Variants in ATP6AP1 observed in about 807,000 individuals in gnomAD.
The protein encoded by ATP6AP1 is ATPase H+ transporting accessory protein 1.
ATP6AP1 carries 1 observed loss-of-function variant against 32.0 expected under a neutral mutation model. That is an observed-to-expected ratio of 0.03 (90% CI 0.01 to 0.15). The LOEUF (loss-of-function observed/expected upper bound fraction) is 0.15. Among genes scored for constraint, ATP6AP1 ranks in the 10% least tolerant of loss-of-function variants. The probability of loss-of-function intolerance (pLI) is 1.00; values close to 1 mark genes in which losing one functional copy is unlikely to be tolerated. For synonymous variants in ATP6AP1, 187 were observed against 174.9 expected (o/e 1.07, Z -0.55); for missense variants, 297 against 398.8 (o/e 0.74, Z 2.17).
In ATP6AP1 at chrX:154,429,012, C is replaced by T. The variant is rs368420046; in HGVS notation, c.162-36C>T. 24 of 1,200,962 alleles carry T rather than the reference C, an allele frequency of 2.0e-5. No individual in the cohort carries two copies. In the African/African-American group the frequency reaches 2.3e-4, roughly 11 times the overall value. On this transcript the variant is annotated intron_variant, in intron 1 of 9. Transcript: ENST00000369762. ...GCGACAGAGCTCCAGTCCACATGCG[C>T]CCCCGTCTGACAGCACCTCTTCTGT...
At chrX:154,430,977 T>C (rs1321329376) in intron 2 of ATP6AP1, 1 of 111,011 alleles carries the variant, frequency 9.0e-6, no homozygotes, top group African/African-American at 3.3e-5. Flanking sequence ...GGAAGGTCAG[T>C]TGCAGTTCGA....
In ATP6AP1 at chrX:154,431,842, G is replaced by A. The variant is rs1237549752; in HGVS notation, c.301G>A (p.Asp101Asn). The change falls in exon 3 of 10, where the codon GAT (aspartate) becomes AAT (asparagine). Residue 101 changes from aspartate (D) to asparagine (N), a missense_variant. Asp to Asn is a conservative substitution (Grantham distance 23). Transcript: ENST00000369762. Reference sequence around the variant, plus strand: ...ATTTCCCTAATAGCTGAGCATTGAGGATTTCACAGCATATGGCGGTGTGTT... The same window carrying A: ...ATTTCCCTAATAGCTGAGCATTGAGAATTTCACAGCATATGGCGGTGTGTT... ...LFLQDKLSIE[D>N]FTAYGGVFGN... 8.3e-7 allele frequency: 1 copy of A among 1,211,685 alleles called. No individual in the cohort carries two copies. The highest frequency in any genetic ancestry group is 1.1e-6 in the Non-Finnish European group (1 of 895,437).
At chrX:154,435,616 C>T in intron 9 of ATP6AP1, 66 bp from the exon 10 acceptor site, 1 of 1,177,697 alleles carries the variant, frequency 8.5e-7, no homozygotes, top group Non-Finnish European at 1.2e-6. Context: ...CCCTGCGCTG[C>T]CCCTGTCCCA....
Position 154,432,354 on chromosome X carries a change from A to C in ATP6AP1, c.452A>C (p.Lys151Thr). 1 of 1,211,933 alleles carries C rather than the reference A, an allele frequency of 8.3e-7. No individual in the cohort carries two copies. ...VSTLTTYLQEKLGASPLHVDL... is the reference protein window; with the variant it reads ...VSTLTTYLQETLGASPLHVDL... The stretch of plus-strand genomic sequence containing the variant: ...ACTCTGACCACTTACCTGCAGGAGA[A>C]GCTCGGGGCCAGCCCCTTGCATGTG... Residue 151 changes from lysine (K) to threonine (T), a missense_variant, in exon 4 of 10, where the codon AAG (lysine) becomes ACG (threonine). Around this residue, in one of 2 missense-constraint regions of ATP6AP1, gnomAD observed 142 missense variants for 145.0 expected, o/e 0.98. Coordinates refer to ENST00000369762, the MANE Select transcript of ATP6AP1 (RefSeq NM_001183.6).
rs1277942298 is a variant in ATP6AP1, at chrX:154,436,262, CCT to C, written c.*372_*373del. Reference sequence around the variant, plus strand: ...CTCCCTCCTTAAGGTTATAGGGCTCCCTGAGTTTGGGAGTGTGGAAGTACTAC... The same window carrying C: ...CTCCCTCCTTAAGGTTATAGGGCTCCGAGTTTGGGAGTGTGGAAGTACTAC... On this transcript the variant is annotated 3_prime_UTR_variant, in exon 10 of 10. Coordinates refer to ENST00000369762, the MANE Select transcript of ATP6AP1 (RefSeq NM_001183.6). 4.9e-6 allele frequency: 1 copy of C among 204,167 alleles called. No individual in the cohort carries two copies. The highest frequency in any genetic ancestry group is 8.9e-6 in the Non-Finnish European group (1 of 111,949). 16.8% of individuals were successfully genotyped at this position (204,167 alleles called of 1,213,427 possible).
Position 154,436,300 on chromosome X carries a change from GT to G in ATP6AP1, c.*410del, listed in dbSNP as rs2068719501. ...GTGTGGAAGTACTACTTAACTGTCTGTCCTGCTTGGCTGTCGTTATCGTTTT... is the reference window on the plus strand; with the variant it reads ...GTGTGGAAGTACTACTTAACTGTCTGCCTGCTTGGCTGTCGTTATCGTTTT... On this transcript the variant is annotated 3_prime_UTR_variant, in exon 10 of 10. Transcript: ENST00000369762. 6.6e-6 allele frequency: 1 copy of G among 151,513 alleles called. No individual in the cohort carries two copies. The highest frequency in any genetic ancestry group is 3.1e-5 in the African/African-American group (1 of 32,303). The allele number at this position is 151,513 out of a possible 1,213,427, so 12.5% of individuals were successfully genotyped here.
chrX:154,436,272 G>C lies in ATP6AP1; in HGVS notation c.*381G>C. On this transcript the variant is annotated 3_prime_UTR_variant, in exon 10 of 10. Coordinates refer to ENST00000369762, the MANE Select transcript of ATP6AP1 (RefSeq NM_001183.6). ...AAGGTTATAGGGCTCCCTGAGTTTG[G>C]GAGTGTGGAAGTACTACTTAACTGT... The C allele has an allele frequency of 5.1e-6, 1 of 194,244 alleles. No individual in the cohort carries two copies. Among genetic ancestry groups the C allele is most frequent in the African/African-American group, 2.9e-5 (1 of 34,628 alleles). The allele number at this position is 194,244 out of a possible 1,213,427, so 16.0% of individuals were successfully genotyped here. A position where few individuals can be genotyped will look rare whatever the true frequency, so the allele number is the denominator to read the frequency against.
intron 4 of ATP6AP1, 29 bp from the exon 5 acceptor site, chrX:154,432,902 G>A: frequency 3.3e-6 from 4 of 1,210,311 alleles, no homozygotes; most frequent in African/African-American, 1.7e-5. Context: ...GCCGCCTGAG[G>A]ACTCTGGCGC....
intron 4 of ATP6AP1, 121 bp from the exon 5 acceptor site, chrX:154,432,810 A>G (rs1201520336): frequency 1.1e-4 from 98 of 858,705 alleles, no homozygotes; most frequent in Non-Finnish European, 2.0e-5. Flanking sequence ...GCACTGAGGT[A>G]AGAGTGTGCA....
intron 2 of ATP6AP1, 26 bp downstream of exon 2, chrX:154,429,200 C>T: frequency 8.3e-7 from 1 of 1,208,094 alleles, no homozygotes; most frequent in Non-Finnish European, 1.1e-6. Flanking sequence ...CCCACTCTCC[C>T]CCGGTCATCG....
At chrX:154,432,898 T>C (rs1174631214) in intron 4 of ATP6AP1, 33 bp from the exon 5 acceptor site, 1 of 1,209,678 alleles carries the variant, frequency 8.3e-7, no homozygotes, top group Admixed American at 2.2e-5. Flanking sequence ...CCAGGCCGCC[T>C]GAGGACTCTG....
intron 2 of ATP6AP1, 158 bp from the exon 3 acceptor site, chrX:154,431,672 C>T: frequency 1.9e-6 from 1 of 513,150 alleles, no homozygotes. Flanking sequence ...GTCTCCCACC[C>T]CACCCCCACC....
chrX:154,432,554 C>T (rs1259812977), intron 4 of ATP6AP1, 95 bp downstream of exon 4: 1 of 1,026,283 alleles, frequency 9.7e-7, no homozygotes, highest in African/African-American at 1.9e-5. Context: ...GCTAAAGATG[C>T]CAGTACTCCC....
rs1029908166 is a variant in ATP6AP1 at position 154,432,190 on chromosome X, C to G, written c.364-76C>G. The G allele has an allele frequency of 1.6e-5, 16 of 987,300 alleles. No homozygotes were observed. The Middle Eastern group carries it at 1.3e-3, about 83-fold the overall frequency. 81.4% of individuals were successfully genotyped at this position (987,300 alleles called of 1,213,427 possible). On this transcript the variant is annotated intron_variant, in intron 3 of 9. Coordinates refer to ENST00000369762, the MANE Select transcript of ATP6AP1 (RefSeq NM_001183.6). ...GGTATGGCTTGCCAGAGGAGAGCTG[C>G]CAGAGAGGTGTGGGGGGCTGGGCCA...
Position 154,435,940 on chromosome X carries a change from C to T in ATP6AP1, c.*49C>T. 9.1e-7 allele frequency: 1 copy of T among 1,104,658 alleles called. No homozygotes were observed. The allele number at this position is 1,104,658 out of a possible 1,213,427, so 91.0% of individuals were successfully genotyped here. A position where few individuals can be genotyped will look rare whatever the true frequency, so the allele number is the denominator to read the frequency against. On this transcript the variant is annotated 3_prime_UTR_variant, in exon 10 of 10. Transcript: ENST00000369762. ...GGGTGGGACGGTGTCCGTGTTGTTG[C>T]TTTCCCACCCTGCAGCGCACTGGAC...
rs1339819012 is a variant in ATP6AP1 at position 154,435,984 on chromosome X, C to G, written c.*93C>G. ...ACTGGACTGAAGAGCTTCCCTCTTC[C>G]TACTGCAGCATGAACTGCAAGCTCC... is the stretch of plus-strand genomic sequence containing the variant. On this transcript the variant is annotated 3_prime_UTR_variant, in exon 10 of 10. Coordinates refer to ENST00000369762, the MANE Select transcript of ATP6AP1 (RefSeq NM_001183.6). 5.7e-6 allele frequency: 5 copies of G among 880,396 alleles called. No individual in the cohort carries two copies. Among genetic ancestry groups the G allele is most frequent in the Middle Eastern group, 3.6e-4 (1 of 2,772 alleles). The allele number at this position is 880,396 out of a possible 1,213,427, so 72.6% of individuals were successfully genotyped here.
intron 3 of ATP6AP1, 132 bp from the exon 4 acceptor site, chrX:154,432,134 G>A: frequency 4.2e-6 from 3 of 711,052 alleles, no homozygotes; most frequent in Non-Finnish European, 6.2e-6. Context: ...AGGGGCTGGG[G>A]TGTGGGCCAT....
chrX:154,429,224 C>A, intron 2 of ATP6AP1, 50 bp downstream of exon 2: 6 of 1,184,364 alleles, frequency 5.1e-6, no homozygotes, highest in Non-Finnish European at 6.9e-6. Context: ...GGCAGCCAGG[C>A]CCCCTCCCCC....
At chrX:154,429,279 G>C in intron 2 of ATP6AP1, 105 bp downstream of exon 2, 1 of 1,022,962 alleles carries the variant, frequency 9.8e-7, no homozygotes, top group Non-Finnish European at 1.3e-6. Context: ...CAGTGACCTT[G>C]TCCCAACTGT....
Sources: allele counts gnomAD v4.1 joint callset, GRCh38; gene constraint gnomAD v4.1.1; regional missense constraint gnomAD v4.1.1; transcripts MANE v1.5; gene names NCBI Gene and HGNC (gene_info 2026-07-23, HGNC 2026-07-21).